The following CDK13 variants were observed in gnomAD, a reference collection of about 807,000 sequenced individuals.
The protein encoded by CDK13 is cyclin dependent kinase 13, also known as cyclin-dependent kinase 13.
In CDK13, 40 loss-of-function variants were observed where a neutral mutation model predicts 137.6. The observed-to-expected ratio is 0.29, with a 90% confidence interval of 0.23 to 0.38. CDK13 has a LOEUF of 0.38. CDK13 is among the 10% of genes least tolerant of loss of function. The probability of loss-of-function intolerance (pLI) is 1.00; values close to 1 mark genes in which losing one functional copy is unlikely to be tolerated. For synonymous variants in CDK13, 869 were observed against 760.1 expected (o/e 1.14, Z -2.36); for missense variants, 1,704 against 1,951.8 (o/e 0.87, Z 2.39).
intron 1 of CDK13, among the ~76,000 whole-genome samples, chr7:39,968,763 C>T (rs369337517): frequency 1.3e-5 from 2 of 152,134 alleles, no homozygotes; most frequent in Admixed American, 6.6e-5. Context: ...TCTTTTTGCT[C>T]AGGATTGCTT....
At position 39,997,608 on chromosome 7, in the gene CDK13, A is replaced by G. The variant is rs778104744; in HGVS notation, c.1986A>G (p.Ser662=). 1.4e-5 allele frequency: 23 copies of G among 1,613,482 alleles called. No homozygotes were observed. In the South Asian group the frequency reaches 2.5e-4, roughly 18 times the overall value. The stretch of plus-strand genomic sequence containing the variant: ...AGCTACCAGGAGGAGATGATCTTTC[A>G]AAGAGTCCAGAGGAAAAGAAAACAG... ...PPELPGGDDL[S]KSPEEKKTAT... is the part of the protein sequence containing the mutation. The change falls in exon 3 of 14, where the codon TCA becomes TCG. Residue 662 remains serine (S), a synonymous_variant. Coordinates refer to ENST00000181839, the MANE Select transcript of CDK13 (RefSeq NM_003718.5).
At chr7:40,028,990 A>G in intron 5 of CDK13, among the ~76,000 whole-genome samples, 1 of 152,018 alleles carries the variant, frequency 6.6e-6, no homozygotes, top group East Asian at 1.9e-4. Context: ...TATATGGTTG[A>G]CCCTTGAACA....
At chr7:39,997,353 G>T (rs1420192609) in intron 2 of CDK13, 141 bp from the exon 3 acceptor site, 3 of 696,598 alleles carry the variant, frequency 4.3e-6, no homozygotes, top group Non-Finnish European at 7.2e-6. Flanking sequence ...ACTTTAGCTG[G>T]AAAGAAACTT....
Position 40,088,327 on chromosome 7 carries a change from A to T in CDK13, c.3231A>T (p.Ala1077=), listed in dbSNP as rs752737137. 1.2e-6 allele frequency: 2 copies of T among 1,610,410 alleles called. No individual in the cohort carries two copies. The highest frequency in any genetic ancestry group is 3.3e-5 in the Admixed American group (2 of 59,966). Reference sequence around the variant, plus strand: ...AATCTCAGGGCAGCTCAAATGTGGCACCTGGTCAGTAATGCTTCCATGGGT... The same window carrying T: ...AATCTCAGGGCAGCTCAAATGTGGCTCCTGGTCAGTAATGCTTCCATGGGT... ...QLKSQGSSNV[A]PVKTGPGQHL... The change falls in exon 12 of 14, where the codon GCA becomes GCT. Residue 1077 remains alanine, a synonymous_variant. Transcript: ENST00000181839.
At chr7:39,967,967 C>T (rs1444026944) in intron 1 of CDK13, among the ~76,000 whole-genome samples, 1 of 152,038 alleles carries the variant, frequency 6.6e-6, no homozygotes, top group African/African-American at 2.4e-5. Flanking sequence ...AAGGAGTCTT[C>T]CCACCTCACC....
At chr7:40,010,292 A>G (rs1230444317) in intron 5 of CDK13, among the ~76,000 whole-genome samples, 1 of 152,138 alleles carries the variant, frequency 6.6e-6, no homozygotes, top group Non-Finnish European at 1.5e-5. Flanking sequence ...TGCACAGTTC[A>G]TACTAGAGTT....
At chr7:40,048,452 A>G (rs964486450) in intron 7 of CDK13, 2 of 152,218 alleles carry the variant, frequency 1.3e-5, no homozygotes, top group Non-Finnish European at 2.9e-5. Context: ...GGATTTCAAA[A>G]TAAAATATTT....
At chr7:39,954,136 C>T (rs1787330331) in intron 1 of CDK13, among the ~76,000 whole-genome samples, 1 of 152,116 alleles carries the variant, frequency 6.6e-6, no homozygotes, top group South Asian at 2.1e-4. Flanking sequence ...TGTATGCTAA[C>T]CCTTTAAAAT....
intron 1 of CDK13, among the ~76,000 whole-genome samples, chr7:39,976,323 T>TCTCTCTCTCTCTCTCTCC: frequency 2.5e-5 from 1 of 39,548 alleles, no homozygotes; most frequent in Non-Finnish European, 5.8e-5. Context: ...TCTCTCTCTC[T>TCTCTCTCTCTCTCTCTCC]CACACACACA....
At chr7:40,070,797 C>T (rs1244739914) in intron 9 of CDK13, 7 of 120,918 alleles carry the variant, frequency 5.8e-5, no homozygotes, top group Non-Finnish European at 1.1e-4. Context: ...AGGCAGAAAG[C>T]TCTGTGTGGC....
At chr7:39,990,033 C>T (rs1196584741) in intron 2 of CDK13, among the ~76,000 whole-genome samples, 1 of 152,218 alleles carries the variant, frequency 6.6e-6, no homozygotes, top group South Asian at 2.1e-4. Flanking sequence ...ATCCACTTGC[C>T]TTGGCCTCCC....
At chr7:39,971,994 A>G (rs1403644966) in intron 1 of CDK13, among the ~76,000 whole-genome samples, 6 of 152,254 alleles carry the variant, frequency 3.9e-5, no homozygotes, top group African/African-American at 9.6e-5. Flanking sequence ...CTTGATGGCT[A>G]CAGAGAGACT....
intron 5 of CDK13, among the ~76,000 whole-genome samples, chr7:40,037,804 C>T (rs1214877483): frequency 1.3e-5 from 2 of 152,102 alleles, no homozygotes; most frequent in Admixed American, 6.6e-5. Flanking sequence ...TTCAAAGTAA[C>T]AATGCTGATA....
chr7:39,952,251 G>C (rs1201967729), intron 1 of CDK13: 1 of 164,026 alleles, frequency 6.1e-6, no homozygotes, highest in African/African-American at 2.4e-5. Flanking sequence ...TGGGAATTTA[G>C]GAATGGACTG....
At chr7:40,033,954 G>T (rs1785431561) in intron 5 of CDK13, among the ~76,000 whole-genome samples, 1 of 152,088 alleles carries the variant, frequency 6.6e-6, no homozygotes, top group Non-Finnish European at 1.5e-5. Context: ...CTTCTAGATT[G>T]GTAAGGCTCT....
intron 7 of CDK13, chr7:40,048,397 G>T (rs1785797465): frequency 6.6e-6 from 1 of 151,968 alleles, no homozygotes; most frequent in African/African-American, 2.4e-5. Context: ...CTTTCTTTGT[G>T]CCTGGTGGTA....
rs142993859 is a variant in CDK13 at position 40,063,161 on chromosome 7, T to G, written c.2780+61T>G. ...AGAGTGTCATACTCCACAGGAAATT[T>G]AAACTCTCCCAAGTTTGTCTTTTCA... On this transcript the variant is annotated intron_variant, in intron 9 of 13. Coordinates refer to ENST00000181839, the MANE Select transcript of CDK13 (RefSeq NM_003718.5). 1.5e-3 allele frequency: 1,945 copies of G among 1,262,990 alleles called. 20 individuals are homozygous for G. The African/African-American group carries it at 0.023, about 15-fold the overall frequency. 78.2% of individuals were successfully genotyped at this position (1,262,990 alleles called of 1,614,324 possible). A position where few individuals can be genotyped will look rare whatever the true frequency, so the allele number is the denominator to read the frequency against.
chr7:40,014,183 C>T (rs1005822050), intron 5 of CDK13, among the ~76,000 whole-genome samples: 1 of 149,578 alleles, frequency 6.7e-6, no homozygotes, highest in Admixed American at 6.7e-5. Context: ...ATTTTTCTGC[C>T]TCAGCCTCCT....
chr7:39,982,343 A>T (rs1323934500), intron 1 of CDK13, among the ~76,000 whole-genome samples: 2 of 151,846 alleles, frequency 1.3e-5, no homozygotes, highest in Non-Finnish European at 2.9e-5. Flanking sequence ...AAGGACATGA[A>T]CTCATCATTT....
Sources: gnomAD v4.1 joint callset for allele counts (sites outside exome capture counted in the v4.1 genomes callset) on GRCh38, gnomAD v4.1.1 for gene constraint, MANE v1.5 for transcripts, NCBI Gene and HGNC (gene_info 2026-07-23, HGNC 2026-07-21) for gene names.